The following CHIC2 variants were observed in gnomAD, a reference collection of about 807,000 sequenced individuals.
CHIC2 encodes the protein cysteine rich hydrophobic domain 2, also known as cysteine-rich hydrophobic domain-containing protein 2.
Under a neutral mutation model 25.9 loss-of-function variants are expected in CHIC2, and 14 were observed. That is an observed-to-expected ratio of 0.54 (90% confidence interval 0.36 to 0.85). The LOEUF (loss-of-function observed/expected upper bound fraction) is 0.85, where lower values mean the gene tolerates loss of function less well. Ranked by LOEUF, CHIC2 falls within the 40% of genes least tolerant of loss-of-function variation. CHIC2 has a pLI of 0.01. For missense variants in CHIC2, 146 were observed against 202.0 expected (o/e 0.72, Z 1.68); for synonymous variants, 70 against 72.0 (o/e 0.97, Z 0.14).
intron 1 of CHIC2, among the ~76,000 whole-genome samples, chr4:54,061,974 C>CT (rs1306389857): frequency 6.6e-6 from 1 of 152,090 alleles, no homozygotes; most frequent in Non-Finnish European, 1.5e-5. Flanking sequence ...AAAACTATAT[C>CT]TGAGGAGGAG....
intron 3 of CHIC2, among the ~76,000 whole-genome samples, chr4:54,029,795 T>G (rs758748719): frequency 1.3e-5 from 2 of 152,232 alleles, no homozygotes; most frequent in Non-Finnish European, 2.9e-5. Flanking sequence ...TATAACTGAA[T>G]AAGGATATTT....
In CHIC2 at chr4:54,064,067, T is replaced by C; in HGVS notation, c.119+115A>G. ...GCCAAGTTCTCACTTCCTGGTTGCC[T>C]ACTCTTTCGGAAGGCCCCCGACACC... is the stretch of plus-strand genomic sequence containing the variant. On this transcript the variant is annotated intron_variant, in intron 1 of 5. Coordinates refer to ENST00000263921, the MANE Select transcript of CHIC2 (RefSeq NM_012110.4). The surrounding 1 kb of genome is among the most constrained non-coding windows in gnomAD (Gnocchi z 4.2). The C allele has an allele frequency of 1.2e-6, 1 of 844,006 alleles. No homozygotes were observed. The highest frequency in any genetic ancestry group is 2.7e-5 in the East Asian group (1 of 37,310). 52.3% of individuals were successfully genotyped at this position (844,006 alleles called of 1,614,324 possible). A position where few individuals can be genotyped will look rare whatever the true frequency, so the allele number is the denominator to read the frequency against.
chr4:54,012,385 A>G lies in CHIC2; in HGVS notation c.447+1452T>C, dbSNP rs1489093257. ...TCAAGGAAACTTATTTGACAAACAA[A>G]GCATATAGTTCAGAATGTTTTGGAA... is the stretch of plus-strand genomic sequence containing the variant. On this transcript the variant is annotated intron_variant, in intron 5 of 5. Coordinates refer to ENST00000263921, the MANE Select transcript of CHIC2 (RefSeq NM_012110.4). Among the ~76,000 whole-genome samples the G allele has an allele frequency of 4.6e-5, 7 of 152,302 alleles. No homozygotes were observed. The South Asian group carries it at 8.3e-4, about 18-fold the overall frequency.
chr4:54,013,748 G>T, intron 5 of CHIC2, 89 bp downstream of exon 5: 1 of 1,341,526 alleles, frequency 7.5e-7, no homozygotes, highest in Non-Finnish European at 1.1e-6. Context: ...TGACACCTTT[G>T]CTGATTAATA....
At chr4:54,038,532 T>C (rs1242198361) in intron 3 of CHIC2, among the ~76,000 whole-genome samples, 1 of 152,204 alleles carries the variant, frequency 6.6e-6, no homozygotes, top group Non-Finnish European at 1.5e-5. Flanking sequence ...CTTAATATTG[T>C]TAAGATGTCA....
At chr4:54,020,606 T>C (rs1354074105) in intron 3 of CHIC2, among the ~76,000 whole-genome samples, 2 of 152,084 alleles carry the variant, frequency 1.3e-5, no homozygotes, top group Admixed American at 6.5e-5. Context: ...CAACCTCGGG[T>C]CCTCAGACCA....
chr4:54,023,589 C>T (rs1715969335), intron 3 of CHIC2, among the ~76,000 whole-genome samples: 1 of 152,158 alleles, frequency 6.6e-6, no homozygotes, highest in Non-Finnish European at 1.5e-5. Flanking sequence ...ATATTTCCTT[C>T]TTTCCTCTTC....
upstream of CHIC2, among the ~76,000 whole-genome samples, chr4:54,066,331 G>A (rs181989240): frequency 2.4e-4 from 37 of 152,264 alleles, no homozygotes; most frequent in Admixed American, 1.2e-3. Context: ...CAATAAATAC[G>A]GGGTAATAGG....
intron 3 of CHIC2, among the ~76,000 whole-genome samples, chr4:54,038,957 G>A (rs912078796): frequency 6.6e-6 from 1 of 152,036 alleles, no homozygotes; most frequent in Admixed American, 6.6e-5. Flanking sequence ...AGTATGGAAA[G>A]AGACCTACAC....
the CHIC2 span, among the ~76,000 whole-genome samples, chr4:54,090,822 A>C: frequency 1.3e-5 from 2 of 152,082 alleles, no homozygotes; most frequent in African/African-American, 2.4e-5. Context: ...ATGGATTTGC[A>C]CTGATTTCAA....
Position 54,064,592 on chromosome 4 carries a change from C to CAACTCA in CHIC2, c.-298_-293dup. 1 of 1,240,926 alleles carries CAACTCA rather than the reference C, an allele frequency of 8.1e-7. No homozygotes were observed. The highest frequency in any genetic ancestry group is 1.0e-6 in the Non-Finnish European group (1 of 989,350). 76.9% of individuals were successfully genotyped at this position (1,240,926 alleles called of 1,614,324 possible). A position where few individuals can be genotyped will look rare whatever the true frequency, so the allele number is the denominator to read the frequency against. On this transcript the variant is annotated 5_prime_UTR_variant, in exon 1 of 6. Coordinates refer to ENST00000263921, the MANE Select transcript of CHIC2 (RefSeq NM_012110.4). This position sits in a 1 kb window ranked among gnomAD's most constrained non-coding sequence, Gnocchi z 4.2. ...GCCGCTGCCGCCGCCGCAGCAGCAG[C>CAACTCA]AACTCAGGAAACCACAGCAACAGCC...
At chr4:54,033,813 AG>A (rs1310802582) in intron 3 of CHIC2, among the ~76,000 whole-genome samples, 1 of 152,132 alleles carries the variant, frequency 6.6e-6, no homozygotes, top group African/African-American at 2.4e-5. Context: ...GGTGGAAATC[AG>A]TTCATAAAGG....
the CHIC2 span, among the ~76,000 whole-genome samples, chr4:54,074,044 G>C: frequency 1.3e-5 from 2 of 152,048 alleles, no homozygotes; most frequent in Non-Finnish European, 2.9e-5. Context: ...TGTAGTCCCA[G>C]TTACTCAGGA....
chr4:54,089,671 A>C, the CHIC2 span, among the ~76,000 whole-genome samples: 1 of 152,200 alleles, frequency 6.6e-6, no homozygotes, highest in African/African-American at 2.4e-5. Context: ...AGGACTAAAA[A>C]TGCTTCCAAA....
intron 3 of CHIC2, among the ~76,000 whole-genome samples, chr4:54,048,501 T>C (rs936532536): frequency 3.9e-5 from 6 of 152,216 alleles, no homozygotes; most frequent in Non-Finnish European, 5.9e-5. Context: ...TATTAATTAA[T>C]ACTTATTAAC....
the CHIC2 span, among the ~76,000 whole-genome samples, chr4:54,078,363 T>G: frequency 2.6e-5 from 4 of 152,182 alleles, no homozygotes; most frequent in Non-Finnish European, 4.4e-5. Context: ...AGAGAACAGT[T>G]CCACAATCTT....
At chr4:54,086,772 C>G in the CHIC2 span, among the ~76,000 whole-genome samples, 1 of 152,138 alleles carries the variant, frequency 6.6e-6, no homozygotes, top group Non-Finnish European at 1.5e-5. Flanking sequence ...GAGATCTGAT[C>G]CTGATTGTAG....
At chr4:54,038,631 T>C (rs1441387364) in intron 3 of CHIC2, among the ~76,000 whole-genome samples, 1 of 152,160 alleles carries the variant, frequency 6.6e-6, no homozygotes, top group East Asian at 1.9e-4. Context: ...TTCTAAAATT[T>C]ATAAAGAAAG....
chr4:54,067,776 C>T (rs1042615894), upstream of CHIC2, among the ~76,000 whole-genome samples: 2 of 152,140 alleles, frequency 1.3e-5, no homozygotes, highest in Non-Finnish European at 2.9e-5. Context: ...TTGAAAACTT[C>T]CCAGTTCCAT....
Sources: gnomAD v4.1 joint callset for allele counts (sites outside exome capture counted in the v4.1 genomes callset) on GRCh38, gnomAD v4.1.1 for gene constraint, Gnocchi (gnomAD v3.1) non-coding constraint, MANE v1.5 for transcripts, NCBI Gene and HGNC (gene_info 2026-07-23, HGNC 2026-07-21) for gene names.